The following RALGPS1 variants were observed in gnomAD, a reference collection of about 807,000 sequenced individuals.
The protein encoded by RALGPS1 is ras-specific guanine nucleotide-releasing factor RalGPS1.
In RALGPS1, 19 loss-of-function variants were observed where a neutral mutation model predicts 78.8. The ratio of observed to expected loss-of-function variants is 0.24; its 90% CI spans 0.17 to 0.35. The LOEUF (loss-of-function observed/expected upper bound fraction) is 0.35, where lower values mean the gene tolerates loss of function less well. Among genes scored for constraint, RALGPS1 ranks in the 10% least tolerant of loss-of-function variants. RALGPS1 has a pLI of 1.00. For synonymous variants in RALGPS1, 228 were observed against 256.3 expected, an observed-to-expected ratio of 0.89 and a Z score of 1.06; for missense variants, 454 against 688.3, an observed-to-expected ratio of 0.66 and a Z score of 3.81.
At chr9:127,005,675 C>A (rs557368923) in intron 4 of RALGPS1, among the ~76,000 whole-genome samples, 8 of 152,216 alleles carry the variant, frequency 5.3e-5, no homozygotes, top group African/African-American at 1.9e-4. Flanking sequence ...GAACTTCAGA[C>A]TGAAGTTCTA....
At chr9:126,950,739 C>T (rs1302047485) in intron 1 of RALGPS1, among the ~76,000 whole-genome samples, 6 of 151,596 alleles carry the variant, frequency 4.0e-5, no homozygotes, top group African/African-American at 1.2e-4. Context: ...GACACCCTAA[C>T]ATCACAATTA....
intron 7 of RALGPS1, among the ~76,000 whole-genome samples, chr9:127,061,195 C>G (rs1005951565): frequency 1.3e-5 from 2 of 152,144 alleles, no homozygotes; most frequent in African/African-American, 2.4e-5. Context: ...CTTCCTGACC[C>G]TAAAAAACAA....
At chr9:127,092,954 A>G (rs2052660647) in intron 8 of RALGPS1, among the ~76,000 whole-genome samples, 1 of 152,152 alleles carries the variant, frequency 6.6e-6, no homozygotes, top group African/African-American at 2.4e-5. Context: ...AGCTGCAGTC[A>G]CTACTGGGCC....
intron 8 of RALGPS1, among the ~76,000 whole-genome samples, chr9:127,162,306 T>C (rs1367536782): frequency 6.6e-6 from 1 of 152,136 alleles, no homozygotes; most frequent in Non-Finnish European, 1.5e-5. Flanking sequence ...GGTTGTGGGG[T>C]GTGCCAACTA....
chr9:127,178,612 C>A (rs893200090), intron 11 of RALGPS1: 13 of 487,022 alleles, frequency 2.7e-5, no homozygotes, highest in African/African-American at 2.3e-4. Context: ...CACCCCCACC[C>A]CCAATCAGGT....
At chr9:127,170,366 G>T (rs895940265) in intron 10 of RALGPS1, among the ~76,000 whole-genome samples, 10 of 152,212 alleles carry the variant, frequency 6.6e-5, no homozygotes, top group African/African-American at 2.4e-4. Flanking sequence ...AGCTCCCTAG[G>T]TGGTGCTAAT....
chr9:127,074,762 A>G, intron 8 of RALGPS1, among the ~76,000 whole-genome samples: 1 of 152,236 alleles, frequency 6.6e-6, no homozygotes, highest in Non-Finnish European at 1.5e-5. Context: ...CATAACTGGA[A>G]AGTAACAGAG....
At chr9:126,956,403 G>A (rs1479369028) in intron 1 of RALGPS1, among the ~76,000 whole-genome samples, 1 of 152,182 alleles carries the variant, frequency 6.6e-6, no homozygotes, top group Non-Finnish European at 1.5e-5. Context: ...TACTTTCCTA[G>A]TATGTGAAGT....
intron 8 of RALGPS1, among the ~76,000 whole-genome samples, chr9:127,103,872 C>T (rs1394261043): frequency 6.6e-6 from 1 of 152,142 alleles, no homozygotes; most frequent in East Asian, 1.9e-4. Context: ...CACCAGTTCC[C>T]CTCCAGCCTT....
intron 10 of RALGPS1, among the ~76,000 whole-genome samples, chr9:127,174,161 G>A (rs982947386): frequency 2.0e-5 from 3 of 151,864 alleles, no homozygotes; most frequent in Non-Finnish European, 4.4e-5. Context: ...CTACTTGGGA[G>A]GCTGAGGCAG....
At chr9:127,007,807 G>A (rs1361778867) in intron 4 of RALGPS1, among the ~76,000 whole-genome samples, 1 of 151,596 alleles carries the variant, frequency 6.6e-6, no homozygotes, top group Non-Finnish European at 1.5e-5. Context: ...CAGGCAGTGT[G>A]GATCGTCCGC....
chr9:127,183,177 C>T lies in RALGPS1; in HGVS notation c.910+8395C>T, dbSNP rs549876510. Among the ~76,000 whole-genome samples the T allele has an allele frequency of 1.1e-4, 17 of 152,250 alleles. No individual in the cohort carries two copies. The highest frequency in any genetic ancestry group is 3.9e-4 in the Admixed American group (6 of 15,304). On this transcript the variant is annotated intron_variant, in intron 11 of 18. Transcript: ENST00000259351. The surrounding 1 kb of genome is among the most constrained non-coding windows in gnomAD (Gnocchi z 4.0). ...CCGACCCAGTCACCCCACCAGGCCT[C>T]GCCTCCAACACTGGGAATCACATTT...
At chr9:126,980,428 C>G (rs767165615) in intron 4 of RALGPS1, among the ~76,000 whole-genome samples, 1 of 152,174 alleles carries the variant, frequency 6.6e-6, no homozygotes, top group African/African-American at 2.4e-5. Context: ...TTACAAATGC[C>G]TAGGCTTCAG....
Position 126,996,109 on chromosome 9 carries a change from A to G in RALGPS1, c.216+18364A>G, listed in dbSNP as rs149520494. Among the ~76,000 whole-genome samples, 949 of 152,338 alleles carry G rather than the reference A, an allele frequency of 6.2e-3. 10 individuals carry two copies. The highest frequency in any genetic ancestry group is 0.022 in the African/African-American group (907 of 41,574). The stretch of plus-strand genomic sequence containing the variant: ...GATCTAAAATTGACACCCTGACATC[A>G]CAATTAAAAGAACTAGAAAAGCAAG... On this transcript the variant is annotated intron_variant, in intron 4 of 18. Transcript: ENST00000259351.
At chr9:126,928,250 G>C (rs1411449136) in intron 1 of RALGPS1, among the ~76,000 whole-genome samples, 1 of 152,184 alleles carries the variant, frequency 6.6e-6, no homozygotes. Flanking sequence ...AGTTGCCACT[G>C]ACCCTGTTGC....
At chr9:126,950,324 A>T (rs1403412811) in intron 1 of RALGPS1, among the ~76,000 whole-genome samples, 2 of 152,154 alleles carry the variant, frequency 1.3e-5, no homozygotes, top group Non-Finnish European at 2.9e-5. Flanking sequence ...TATGAACTTT[A>T]AAGTAGTTTT....
chr9:127,045,635 T>C, intron 5 of RALGPS1, among the ~76,000 whole-genome samples: 1 of 151,992 alleles, frequency 6.6e-6, no homozygotes, highest in Admixed American at 6.6e-5. Context: ...TGGATTACGG[T>C]TGGAGACATC....
chr9:126,925,068 G>C (rs921916611), intron 1 of RALGPS1, among the ~76,000 whole-genome samples: 5 of 151,316 alleles, frequency 3.3e-5, no homozygotes, highest in African/African-American at 1.2e-4. Flanking sequence ...TGGAGGTTGC[G>C]GTGAGCCGAG....
chr9:127,130,110 G>A (rs768099697), intron 8 of RALGPS1, among the ~76,000 whole-genome samples: 17 of 152,190 alleles, frequency 1.1e-4, no homozygotes, highest in Non-Finnish European at 1.5e-4. Context: ...TGACTTGGTC[G>A]AGTCGATAGG....
Sources: allele counts gnomAD v4.1 joint callset (sites outside exome capture counted in the v4.1 genomes callset), GRCh38; gene constraint gnomAD v4.1.1; non-coding constraint Gnocchi (gnomAD v3.1); transcripts MANE v1.5; gene names NCBI Gene and HGNC (gene_info 2026-07-23, HGNC 2026-07-21).